MCTP2: variants seen among roughly 807,000 people sequenced by gnomAD.
MCTP2 encodes multiple C2 and transmembrane domain containing 2, also known as multiple C2 and transmembrane domain-containing protein 2.
A neutral mutation model predicts 111.6 loss-of-function variants in MCTP2; 132 were observed. The observed-to-expected ratio is 1.18, with a 90% CI of 1.03 to 1.37. MCTP2 has a LOEUF of 1.37. Among genes scored for constraint, MCTP2 ranks in the 40% most tolerant of loss-of-function variants. The probability of loss-of-function intolerance (pLI) is 0.00; values close to 1 mark genes in which losing one functional copy is unlikely to be tolerated. For missense variants in MCTP2, 1,183 were observed against 1,067.9 expected (o/e 1.11, Z -1.50); for synonymous variants, 395 against 387.7 (o/e 1.02, Z -0.22).
chr15:94,474,226 T>C (rs1489302157), intron 21 of MCTP2, among the ~76,000 whole-genome samples: 1 of 152,232 alleles, frequency 6.6e-6, no homozygotes. Flanking sequence ...TAAATGTGTC[T>C]GCATCATCAT....
At chr15:94,244,130 A>G (rs1429478978) in intron 1 of MCTP2, among the ~76,000 whole-genome samples, 3 of 145,402 alleles carry the variant, frequency 2.1e-5, no homozygotes, top group African/African-American at 7.8e-5. Flanking sequence ...ATACACATGT[A>G]TACACATGCA....
intron 19 of MCTP2, among the ~76,000 whole-genome samples, chr15:94,445,553 G>A (rs1008766959): frequency 6.6e-6 from 1 of 152,116 alleles, no homozygotes; most frequent in Non-Finnish European, 1.5e-5. Flanking sequence ...GACTTTTTGA[G>A]TGCACATACA....
intron 17 of MCTP2, among the ~76,000 whole-genome samples, chr15:94,403,959 A>G (rs964224751): frequency 1.3e-5 from 2 of 152,184 alleles, no homozygotes; most frequent in Admixed American, 6.5e-5. Context: ...AGCCAGTTAG[A>G]TACGCTATAT....
At chr15:94,254,397 A>G (rs6497184) in intron 1 of MCTP2, among the ~76,000 whole-genome samples, 1 of 151,960 alleles carries the variant, frequency 6.6e-6, no homozygotes, top group Non-Finnish European at 1.5e-5. Flanking sequence ...GCACTAATAC[A>G]TACTGGCTGA....
intron 1 of MCTP2, among the ~76,000 whole-genome samples, chr15:94,269,981 T>C (rs1462671019): frequency 6.6e-6 from 1 of 152,150 alleles, no homozygotes; most frequent in African/African-American, 2.4e-5. Context: ...GTCCCTTTTC[T>C]CCAAGCAGAA....
intron 17 of MCTP2, among the ~76,000 whole-genome samples, chr15:94,410,382 C>T (rs1223864179): frequency 6.6e-6 from 1 of 152,028 alleles, no homozygotes. Context: ...AGATGCCAAG[C>T]AGAGTTCTCC....
chr15:94,453,308 G>A (rs1273278772), intron 19 of MCTP2, among the ~76,000 whole-genome samples: 1 of 152,186 alleles, frequency 6.6e-6, no homozygotes, highest in Non-Finnish European at 1.5e-5. Flanking sequence ...ACTCTCTTCA[G>A]GGCCTGAGTG....
chr15:94,235,528 G>A (rs902849113), intron 1 of MCTP2, among the ~76,000 whole-genome samples: 1 of 152,096 alleles, frequency 6.6e-6, no homozygotes, highest in Non-Finnish European at 1.5e-5. Flanking sequence ...ATCACTGGGA[G>A]GGAACTGAAA....
At chr15:94,262,677 G>T (rs1212822955) in intron 1 of MCTP2, among the ~76,000 whole-genome samples, 1 of 150,926 alleles carries the variant, frequency 6.6e-6, no homozygotes, top group Non-Finnish European at 1.5e-5. Context: ...TTTTTTGTGG[G>T]GGTGCGTGGA....
At position 94,402,725 on chromosome 15, in the gene MCTP2, T is replaced by C. The variant is rs1190524465; in HGVS notation, c.2085+706T>C. The C allele has an allele frequency of 4.2e-6, 6 of 1,440,394 alleles. No individual in the cohort carries two copies. In the African/African-American group the frequency reaches 7.2e-5, roughly 17 times the overall value. The allele number at this position is 1,440,394 out of a possible 1,614,324, so 89.2% of individuals were successfully genotyped here. ...GTAAAGGGACTTGTCCTTGATCAAA[T>C]TGGTAATGTCAGCCATGGGAGGAGA... On this transcript the variant is annotated intron_variant, in intron 17 of 22. Coordinates refer to ENST00000357742, the MANE Select transcript of MCTP2 (RefSeq NM_001385001.1).
intron 1 of MCTP2, among the ~76,000 whole-genome samples, chr15:94,243,041 GTATA>G (rs2071144847): frequency 3.0e-5 from 2 of 67,306 alleles, no homozygotes; most frequent in Non-Finnish European, 3.4e-5. Flanking sequence ...ACATACACGT[GTATA>G]TGTGTATCTA....
chr15:94,443,039 T>G, intron 19 of MCTP2, 79 bp downstream of exon 19: 1 of 995,144 alleles, frequency 1.0e-6, no homozygotes, highest in Non-Finnish European at 1.4e-6. Flanking sequence ...GTTGAGTCTC[T>G]CTCCTCTCTT....
intron 12 of MCTP2, 78 bp from the exon 13 acceptor site, chr15:94,383,944 A>G: frequency 1.9e-6 from 2 of 1,047,126 alleles, no homozygotes; most frequent in South Asian, 1.4e-5. Flanking sequence ...GCACAACTTT[A>G]TCTGACTCTT....
chr15:94,367,574 TTC>T, intron 10 of MCTP2, 29 bp from the exon 11 acceptor site: 1 of 1,578,100 alleles, frequency 6.3e-7, no homozygotes, highest in Non-Finnish European at 8.6e-7. Context: ...TTAATCACTT[TTC>T]TCTCTCTTGA....
chr15:94,266,799 T>C (rs998559922), intron 1 of MCTP2, among the ~76,000 whole-genome samples: 16 of 152,132 alleles, frequency 1.1e-4, no homozygotes, highest in South Asian at 6.2e-4. Flanking sequence ...CAATGAAGAG[T>C]TGAGTCAGAA....
intron 2 of MCTP2, among the ~76,000 whole-genome samples, chr15:94,301,658 A>AT (rs2075618947): frequency 6.6e-6 from 1 of 152,172 alleles, no homozygotes; most frequent in African/African-American, 2.4e-5. Flanking sequence ...TTACTTGGGT[A>AT]TTTGTGTTTT....
intron 12 of MCTP2, 150 bp downstream of exon 12, chr15:94,370,330 G>A (rs879416588): frequency 3.7e-6 from 2 of 543,108 alleles, no homozygotes; most frequent in Non-Finnish European, 3.1e-6. Context: ...AGGCAGACTT[G>A]AGCAATTTCT....
At chr15:94,401,874 T>G (rs778618396) in intron 16 of MCTP2, 26 bp from the exon 17 acceptor site, 2 of 1,584,500 alleles carry the variant, frequency 1.3e-6, no homozygotes, top group Non-Finnish European at 1.7e-6. Context: ...AAATCTAGTT[T>G]CCTGTTTGTC....
intron 8 of MCTP2, among the ~76,000 whole-genome samples, chr15:94,348,068 G>A (rs1233123664): frequency 6.6e-6 from 1 of 152,008 alleles, no homozygotes; most frequent in Non-Finnish European, 1.5e-5. Flanking sequence ...TTGACCCTCT[G>A]TTATATGTAT....
Sources: allele counts gnomAD v4.1 joint callset (sites outside exome capture counted in the v4.1 genomes callset), GRCh38; gene constraint gnomAD v4.1.1; transcripts MANE v1.5; gene names NCBI Gene and HGNC (gene_info 2026-07-23, HGNC 2026-07-21).